Variants in ACSL5 observed in about 807,000 individuals in gnomAD.
ACSL5 encodes long-chain-fatty-acid--CoA ligase 5.
Under a neutral mutation model 84.9 loss-of-function variants are expected in ACSL5, and 50 were observed. That is an observed-to-expected ratio of 0.59 (90% CI 0.47 to 0.75). The LOEUF (loss-of-function observed/expected upper bound fraction) is 0.75. Among genes scored for constraint, ACSL5 ranks in the 30% least tolerant of loss-of-function variants. The pLI is 0.00. For missense variants in ACSL5, 775 were observed against 830.4 expected, an observed-to-expected ratio of 0.93 and a Z score of 0.82; for synonymous variants, 280 against 300.7, an observed-to-expected ratio of 0.93 and a Z score of 0.71.
Position 112,416,892 on chromosome 10 carries a change from A to G in ACSL5, c.1088A>G (p.Gln363Arg). 6.2e-7 allele frequency: 1 copy of G among 1,614,054 alleles called. No individual in the cohort carries two copies. The highest frequency in any genetic ancestry group is 1.7e-5 in the Admixed American group (1 of 60,020). Residue 363 changes from glutamine (Q) to arginine (R), a missense_variant, in exon 13 of 21, where the codon CAA becomes CGA. Gln to Arg is a conservative substitution (Grantham distance 43). Coordinates refer to ENST00000354655, the MANE Select transcript of ACSL5 (RefSeq NM_203379.2). ...AAAGGAGCTATCACTCTGCAGGTACAAAATGAGGCCAAGACACCCTTGAAG... is the reference window on the plus strand; with the variant it reads ...AAAGGAGCTATCACTCTGCAGGTACGAAATGAGGCCAAGACACCCTTGAAG... Reference protein sequence around the residue: ...RLLNRIYDKVQNEAKTPLKKF... With the variant: ...RLLNRIYDKVRNEAKTPLKKF...
intron 5 of ACSL5, 122 bp from the exon 6 acceptor site, chr10:112,408,298 CAA>C (rs369014571): frequency 0.038 from 17,245 of 448,034 alleles, no homozygotes; most frequent in South Asian, 0.058. Flanking sequence ...GGCACTGTCT[CAA>C]AAAAAAAAAA....
chr10:112,381,019 C>T (rs1346511493), intron 1 of ACSL5, among the ~76,000 whole-genome samples: 1 of 152,184 alleles, frequency 6.6e-6, no homozygotes, highest in African/African-American at 2.4e-5. Flanking sequence ...ATCCTCCAGC[C>T]TCAGCCTCCC....
At chr10:112,378,289 C>T (rs1849282596) in intron 1 of ACSL5, among the ~76,000 whole-genome samples, 1 of 127,720 alleles carries the variant, frequency 7.8e-6, no homozygotes, top group Admixed American at 9.5e-5. Flanking sequence ...CCTAGACTCC[C>T]AGGCTTGAGT....
chr10:112,398,738 A>G (rs143923542), intron 2 of ACSL5, among the ~76,000 whole-genome samples, 163 bp from the exon 3 acceptor site: 22 of 152,284 alleles, frequency 1.4e-4, no homozygotes, highest in African/African-American at 5.3e-4. Context: ...TACGATGTAA[A>G]CATACTATGA....
Position 112,421,574 on chromosome 10 carries a change from C to A in ACSL5, c.1315-19C>A. On this transcript the variant is annotated intron_variant, in intron 14 of 20. Transcript: ENST00000354655. ...ACTTTATCTTGAGTAAGTCTAAAAGCTCTTCTTTGGTTTCCCAGGTGTATG... is the reference window on the plus strand; with the variant it reads ...ACTTTATCTTGAGTAAGTCTAAAAGATCTTCTTTGGTTTCCCAGGTGTATG... The A allele has an allele frequency of 6.2e-7, 1 of 1,612,044 alleles. No homozygotes were observed. Among genetic ancestry groups the A allele is most frequent in the Non-Finnish European group, 8.5e-7 (1 of 1,178,046 alleles).
chr10:112,423,805 T>TC (rs910879166), intron 17 of ACSL5, among the ~76,000 whole-genome samples: 4 of 152,020 alleles, frequency 2.6e-5, no homozygotes, highest in African/African-American at 9.7e-5. Context: ...CCTTTTTTTT[T>TC]CCCCCTTAAC....
chr10:112,411,938 T>TCCTA lies in ACSL5; in HGVS notation c.911_914dup (p.Leu307ProfsTer7). On this transcript the variant is annotated frameshift_variant, in exon 11 of 21. Coordinates refer to ENST00000354655, the MANE Select transcript of ACSL5 (RefSeq NM_203379.2). LOFTEE classifies it high-confidence loss of function. ...GCCCACTCCTGATGATGTGGCCATA[T>TCCTA]CCTACCTCCCTCTGGCTCATATGTT... The TCCTA allele has an allele frequency of 6.2e-7, 1 of 1,614,126 alleles. No homozygotes were observed. Among genetic ancestry groups the TCCTA allele is most frequent in the Non-Finnish European group, 8.5e-7 (1 of 1,179,940 alleles).
At chr10:112,395,641 A>T (rs923712032) in intron 2 of ACSL5, among the ~76,000 whole-genome samples, 1 of 152,210 alleles carries the variant, frequency 6.6e-6, no homozygotes, top group Non-Finnish European at 1.5e-5. Flanking sequence ...TAAAAATTGA[A>T]TTAGGCTCAC....
chr10:112,392,740 C>CAAAA (rs566503761), intron 1 of ACSL5, among the ~76,000 whole-genome samples: 1 of 117,068 alleles, frequency 8.5e-6, no homozygotes, highest in East Asian at 2.4e-4. Flanking sequence ...GATTCTGTCT[C>CAAAA]AAAAAAAAAA....
chr10:112,386,954 C>T (rs2133575514), intron 1 of ACSL5, among the ~76,000 whole-genome samples: 1 of 152,268 alleles, frequency 6.6e-6, no homozygotes, highest in Non-Finnish European at 1.5e-5. Flanking sequence ...TACTAGTTAC[C>T]TCTTATTTCC....
At chr10:112,401,836 C>CTT (rs1309488167) in intron 3 of ACSL5, among the ~76,000 whole-genome samples, 7 of 69,728 alleles carry the variant, frequency 1.0e-4, no homozygotes, top group Non-Finnish European at 2.2e-4. Context: ...TTCTTTCTTT[C>CTT]TTTCTTCCTT....
intron 12 of ACSL5, among the ~76,000 whole-genome samples, chr10:112,416,308 A>G (rs1354790898): frequency 2.0e-5 from 3 of 151,962 alleles, no homozygotes. Context: ...TGTCTCTACT[A>G]AAAATACAAA....
chr10:112,417,328 C>A (rs1052263989), intron 13 of ACSL5, among the ~76,000 whole-genome samples: 2 of 151,208 alleles, frequency 1.3e-5, no homozygotes, highest in African/African-American at 4.9e-5. Flanking sequence ...CATGGTGAAA[C>A]CCAGTCTCTA....
chr10:112,399,886 C>T (rs1768210212), intron 3 of ACSL5, among the ~76,000 whole-genome samples: 1 of 152,176 alleles, frequency 6.6e-6, no homozygotes, highest in African/African-American at 2.4e-5. Flanking sequence ...AGCTTCAAGA[C>T]CATTACCAAG....
chr10:112,412,151 C>T, intron 11 of ACSL5, 172 bp downstream of exon 11: 2 of 645,296 alleles, frequency 3.1e-6, no homozygotes, highest in South Asian at 3.7e-5. Flanking sequence ...TCATTTCCTG[C>T]AGAGTCTTCC....
At chr10:112,401,955 C>G (rs978219170) in intron 3 of ACSL5, among the ~76,000 whole-genome samples, 9 of 148,254 alleles carry the variant, frequency 6.1e-5, no homozygotes, top group Non-Finnish European at 1.2e-4. Context: ...CTTTCTCTCT[C>G]TCTCTCTCTC....
At chr10:112,426,485 C>T in intron 19 of ACSL5, 126 bp downstream of exon 19, 1 of 744,662 alleles carries the variant, frequency 1.3e-6, no homozygotes, top group African/African-American at 1.8e-5. Context: ...TTTTATGGGA[C>T]TCGGGGATAG....
At chr10:112,385,116 A>G (rs1229139328) in intron 1 of ACSL5, among the ~76,000 whole-genome samples, 1 of 152,228 alleles carries the variant, frequency 6.6e-6, no homozygotes, top group African/African-American at 2.4e-5. Context: ...TAAATATAAT[A>G]GTTAATACAT....
chr10:112,413,233 G>A lies in ACSL5; in HGVS notation c.1009G>A (p.Ala337Thr). ...CTTCCAAGGGGATATTCGGTTGCTG[G>A]CTGACGACATGAAGACTTTGAAGCC... ...GFFQGDIRLL[A>T]DDMKTLKPTL... is the part of the protein sequence containing the mutation. Residue 337 changes from alanine to threonine, a missense_variant, in exon 12 of 21, where the codon GCT becomes ACT. Coordinates refer to ENST00000354655, the MANE Select transcript of ACSL5 (RefSeq NM_203379.2). 3 of 1,614,204 alleles carry A rather than the reference G, an allele frequency of 1.9e-6. No homozygotes were observed. Among genetic ancestry groups the A allele is most frequent in the Non-Finnish European group, 2.5e-6 (3 of 1,180,026 alleles).
Sources: gnomAD v4.1 joint callset for allele counts (sites outside exome capture counted in the v4.1 genomes callset) on GRCh38, gnomAD v4.1.1 for gene constraint, MANE v1.5 for transcripts, NCBI Gene and HGNC (gene_info 2026-07-23, HGNC 2026-07-21) for gene names.